The following SLC16A12 variants were observed in gnomAD, a reference collection of about 807,000 sequenced individuals.
The protein encoded by SLC16A12 is solute carrier family 16 member 12, also known as monocarboxylate transporter 12.
SLC16A12 carries 17 observed loss-of-function variants against 42.4 expected under a neutral mutation model. The ratio of observed to expected loss-of-function variants is 0.40; its 90% CI spans 0.27 to 0.60. The LOEUF (loss-of-function observed/expected upper bound fraction) is 0.60, where lower values mean the gene tolerates loss of function less well. Ranked by LOEUF, SLC16A12 falls within the 20% of genes least tolerant of loss-of-function variation. The probability of loss-of-function intolerance (pLI) is 0.42; values close to 1 mark genes in which losing one functional copy is unlikely to be tolerated. For missense variants in SLC16A12, 544 were observed against 623.0 expected (o/e 0.87, Z 1.35); for synonymous variants, 224 against 229.4 (o/e 0.98, Z 0.21).
Position 89,430,811 on chromosome 10 carries a change from A to G in SLC16A12, c.*2253T>C. The G allele has an allele frequency of 2.3e-6, 1 of 426,160 alleles. No individual in the cohort carries two copies. Among genetic ancestry groups the G allele is most frequent in the South Asian group, 1.7e-5 (1 of 57,940 alleles). The allele number at this position is 426,160 out of a possible 1,614,324, so 26.4% of individuals were successfully genotyped here. ...TAAATACTTGTAATACTTCACAGAA[A>G]TTATATTGCAGAACCACATAAACAA... is the stretch of plus-strand genomic sequence containing the variant. On this transcript the variant is annotated 3_prime_UTR_variant, in exon 8 of 8. Coordinates refer to ENST00000371790, the MANE Select transcript of SLC16A12 (RefSeq NM_213606.4).
rs146606920 is a variant in SLC16A12, at chr10:89,523,877, T to C, written c.-47+10624A>G. Among the ~76,000 whole-genome samples the C allele has an allele frequency of 1.2e-4, 18 of 152,244 alleles. No homozygotes were observed. The East Asian group carries it at 3.5e-3, about 29-fold the overall frequency. On this transcript the variant is annotated intron_variant, in intron 2 of 7. Coordinates refer to ENST00000371790, the MANE Select transcript of SLC16A12 (RefSeq NM_213606.4). ...CCAGTGAAAAAGACCAAAACACAGC[T>C]AGATAATTAGAGAATAAAACAAAAG...
upstream of SLC16A12, among the ~76,000 whole-genome samples, chr10:89,537,602 T>C (rs113810761): frequency 0.012 from 1,886 of 152,304 alleles, 26 homozygotes; most frequent in African/African-American, 0.043. Context: ...GAGGCTGCCA[T>C]GAGTGAGCCC....
intron 3 of SLC16A12, among the ~76,000 whole-genome samples, chr10:89,459,203 G>A (rs1214403475): frequency 6.6e-6 from 1 of 152,112 alleles, no homozygotes; most frequent in African/African-American, 2.4e-5. Context: ...GAGTAATTTG[G>A]AGACATTTAT....
chr10:89,516,109 T>G (rs1248195870), intron 2 of SLC16A12, among the ~76,000 whole-genome samples: 2 of 152,194 alleles, frequency 1.3e-5, no homozygotes, highest in Non-Finnish European at 2.9e-5. Flanking sequence ...CACACCGGTG[T>G]GTCCGACTCA....
At chr10:89,521,322 A>G (rs892061332) in intron 2 of SLC16A12, among the ~76,000 whole-genome samples, 1 of 152,244 alleles carries the variant, frequency 6.6e-6, no homozygotes, top group African/African-American at 2.4e-5. Flanking sequence ...TTTTCTACGC[A>G]TGGCACTTAT....
intron 2 of SLC16A12, among the ~76,000 whole-genome samples, chr10:89,510,553 G>A (rs1235726918): frequency 6.6e-6 from 1 of 152,122 alleles, no homozygotes; most frequent in East Asian, 1.9e-4. Context: ...ACCTGGATCC[G>A]TTCCTTACAC....
intron 2 of SLC16A12, among the ~76,000 whole-genome samples, chr10:89,531,951 A>G (rs184516714): frequency 1.3e-5 from 2 of 152,174 alleles, no homozygotes; most frequent in Admixed American, 1.3e-4. Context: ...TGGTAGTTTG[A>G]ATCGGTATGA....
At chr10:89,517,414 A>G (rs1469398883) in intron 2 of SLC16A12, among the ~76,000 whole-genome samples, 1 of 151,854 alleles carries the variant, frequency 6.6e-6, no homozygotes, top group Non-Finnish European at 1.5e-5. Context: ...GGGCTCAGGC[A>G]ATCCTCCTGC....
At chr10:89,433,395 T>A (rs1375596377) in intron 7 of SLC16A12, 69 bp from the exon 8 acceptor site, 3 of 1,500,552 alleles carry the variant, frequency 2.0e-6, no homozygotes, top group Non-Finnish European at 1.8e-6. Flanking sequence ...TCTCAAATTC[T>A]AATGATTTGT....
At chr10:89,552,662 T>C (rs1321153595) in intron 2 of SLC16A12, among the ~76,000 whole-genome samples, 1 of 152,170 alleles carries the variant, frequency 6.6e-6, no homozygotes, top group Non-Finnish European at 1.5e-5. Flanking sequence ...TAAACAGTTA[T>C]TGAGAGCCTT....
Position 89,438,833 on chromosome 10 carries a change from G to A in SLC16A12, c.799C>T (p.Leu267Phe). The A allele has an allele frequency of 6.2e-7, 1 of 1,614,154 alleles. No homozygotes were observed. The highest frequency in any genetic ancestry group is 1.1e-5 in the South Asian group (1 of 91,084). ...SLTKEWAQTC[L>F]CCCLQQEYSF... ...TACTCTTGCTGCAAACAGCAACAGA[G>A]GCAAGTCTGTGCCCATTCTTTGGTC... Residue 267 changes from leucine (L) to phenylalanine (F), a missense_variant, in exon 6 of 8, where the codon CTC (leucine) becomes TTC (phenylalanine). Leu to Phe is a conservative substitution (Grantham distance 22). Coordinates refer to ENST00000371790, the MANE Select transcript of SLC16A12 (RefSeq NM_213606.4).
rs149903945 is a variant in SLC16A12 at position 89,505,586 on chromosome 10, G to A, written c.-47+28915C>T. Among the ~76,000 whole-genome samples, 621 of 152,242 alleles carry A rather than the reference G, an allele frequency of 4.1e-3. 1 individual carries two copies. Among genetic ancestry groups the A allele is most frequent in the Non-Finnish European group, 6.5e-3 (443 of 67,998 alleles). ...CACTGGGACTGATTGGACAGTGGGT[G>A]CAGCCCACAGAGGGTGAGCCGAAGC... is the stretch of plus-strand genomic sequence containing the variant. On this transcript the variant is annotated intron_variant, in intron 2 of 7. Coordinates refer to ENST00000371790, the MANE Select transcript of SLC16A12 (RefSeq NM_213606.4).
At chr10:89,503,392 C>T (rs113971173) in intron 2 of SLC16A12, among the ~76,000 whole-genome samples, 3,233 of 152,244 alleles carry the variant, frequency 0.021, 68 homozygotes, top group African/African-American at 0.024. Flanking sequence ...TCCAATCCCA[C>T]GTAGAATTAT....
intron 2 of SLC16A12, among the ~76,000 whole-genome samples, chr10:89,529,604 G>A (rs911195881): frequency 1.3e-5 from 2 of 148,316 alleles, no homozygotes; most frequent in Non-Finnish European, 1.5e-5. Flanking sequence ...CTGGAGTGCA[G>A]TGGCACAATC....
chr10:89,465,212 T>C (rs962971168), intron 2 of SLC16A12, among the ~76,000 whole-genome samples: 1 of 152,296 alleles, frequency 6.6e-6, no homozygotes, highest in African/African-American at 2.4e-5. Context: ...GCAGCAGAAA[T>C]GGGCTATGAA....
intron 2 of SLC16A12, among the ~76,000 whole-genome samples, chr10:89,478,400 G>C (rs1179096415): frequency 9.9e-5 from 15 of 152,196 alleles, no homozygotes; most frequent in Admixed American, 9.8e-4. Flanking sequence ...AAGTGGGATG[G>C]ACAGTGAACC....
intron 2 of SLC16A12, among the ~76,000 whole-genome samples, chr10:89,524,988 C>A (rs183763213): frequency 6.6e-6 from 1 of 152,178 alleles, no homozygotes; most frequent in Non-Finnish European, 1.5e-5. Context: ...GAGGCTGAGG[C>A]GGGTGGATTG....
chr10:89,460,935 G>A (rs148896484), intron 3 of SLC16A12, among the ~76,000 whole-genome samples: 2,543 of 152,114 alleles, frequency 0.017, 25 homozygotes, highest in Non-Finnish European at 0.022. Flanking sequence ...TCAACCAACC[G>A]TTACTGTAGC....
chr10:89,491,499 C>A (rs1842846342), intron 2 of SLC16A12, among the ~76,000 whole-genome samples: 1 of 151,672 alleles, frequency 6.6e-6, no homozygotes, highest in Admixed American at 6.6e-5. Flanking sequence ...CTGAGCCAGA[C>A]CCTAGAGGAG....
Sources: allele counts gnomAD v4.1 joint callset (sites outside exome capture counted in the v4.1 genomes callset), GRCh38; gene constraint gnomAD v4.1.1; transcripts MANE v1.5; gene names NCBI Gene and HGNC (gene_info 2026-07-23, HGNC 2026-07-21).